The following CDH15 variants were observed in gnomAD, a reference collection of about 807,000 sequenced individuals.
CDH15 encodes cadherin-15.
In CDH15, 73 loss-of-function variants were observed where a neutral mutation model predicts 69.4. That is an observed-to-expected ratio of 1.05 (90% CI 0.87 to 1.28). CDH15 has a LOEUF of 1.28. Ranked by LOEUF, CDH15 falls within the 50% of genes most tolerant of loss-of-function variation. CDH15 has a pLI of 0.00. For synonymous variants in CDH15, 624 were observed against 507.7 expected, an observed-to-expected ratio of 1.23 and a Z score of -3.08; for missense variants, 1,343 against 1,133.6, an observed-to-expected ratio of 1.18 and a Z score of -2.65.
At chr16:89,173,221 A>G (rs968656148) in intron 1 of CDH15, among the ~76,000 whole-genome samples, 6 of 152,068 alleles carry the variant, frequency 3.9e-5, no homozygotes, top group African/African-American at 1.4e-4. Flanking sequence ...GGGGGGCTCC[A>G]TGCCTCCAGG....
Position 89,195,246 on chromosome 16 carries a change from C to A in CDH15, c.*91C>A. 1 of 1,343,224 alleles carries A rather than the reference C, an allele frequency of 7.4e-7. No individual in the cohort carries two copies. The highest frequency in any genetic ancestry group is 9.9e-7 in the Non-Finnish European group (1 of 1,011,850). 83.2% of individuals were successfully genotyped at this position (1,343,224 alleles called of 1,614,324 possible). A position where few individuals can be genotyped will look rare whatever the true frequency, so the allele number is the denominator to read the frequency against. On this transcript the variant is annotated 3_prime_UTR_variant, in exon 14 of 14. Coordinates refer to ENST00000289746, the MANE Select transcript of CDH15 (RefSeq NM_004933.3). ...CCTGAGGTCACCGGGCCCGACCCCC[C>A]TGGGCCTGGGGCAGCCTCCTTCCTG...
intron 5 of CDH15, chr16:89,185,996 G>A (rs1420362214): frequency 1.3e-5 from 2 of 158,592 alleles, no homozygotes; most frequent in Non-Finnish European, 2.8e-5. Flanking sequence ...GGCTTACCCA[G>A]CGCAGAGTAG....
chr16:89,172,822 C>G (rs1206042242), intron 1 of CDH15, among the ~76,000 whole-genome samples: 1 of 152,216 alleles, frequency 6.6e-6, no homozygotes, highest in South Asian at 2.1e-4. Flanking sequence ...AGAGGGCAGC[C>G]TCTCTCTGGC....
intron 4 of CDH15, among the ~76,000 whole-genome samples, 192 bp from the exon 5 acceptor site, chr16:89,184,981 C>G (rs1915450178): frequency 6.6e-6 from 1 of 152,252 alleles, no homozygotes; most frequent in Non-Finnish European, 1.5e-5. Context: ...CGGGAAGCAT[C>G]TCGACCTGGG....
intron 11 of CDH15, 82 bp downstream of exon 11, chr16:89,192,526 C>A: frequency 6.7e-7 from 1 of 1,490,242 alleles, no homozygotes; most frequent in African/African-American, 1.4e-5. Flanking sequence ...ACCAGCCACG[C>A]CGCTTCCTCC....
intron 8 of CDH15, 113 bp from the exon 9 acceptor site, chr16:89,191,217 G>A: frequency 8.4e-7 from 1 of 1,195,042 alleles, no homozygotes; most frequent in East Asian, 2.4e-5. Context: ...CATGCATGTG[G>A]TATGTATGTG....
intron 11 of CDH15, 122 bp from the exon 12 acceptor site, chr16:89,193,348 C>T: frequency 1.8e-6 from 1 of 541,916 alleles, no homozygotes; most frequent in Non-Finnish European, 3.1e-6. Context: ...GCCGCCCCCT[C>T]AACCCCACCC....
intron 13 of CDH15, 109 bp downstream of exon 13, chr16:89,194,022 T>C: frequency 8.1e-7 from 1 of 1,232,128 alleles, no homozygotes; most frequent in Non-Finnish European, 1.1e-6. Context: ...CTGCATGCAC[T>C]TATGGGCCGT....
rs764347175 is a variant in CDH15, at chr16:89,191,813, C to G, written c.1534C>G (p.Pro512Ala). 6.2e-7 allele frequency: 1 copy of G among 1,604,666 alleles called. No homozygotes were observed. Among genetic ancestry groups the G allele is most frequent in the South Asian group, 1.1e-5 (1 of 90,892 alleles). ...GGGCGCCACGGATGAGGACCTGCCC[C>G]CCCACGGGGCCCCCTTCCACTTCCA... ...LLGATDEDLPPHGAPFHFQLS... is the reference protein window; with the variant it reads ...LLGATDEDLPAHGAPFHFQLS... The change falls in exon 10 of 14, where the codon CCC becomes GCC. Residue 512 changes from proline to alanine, a missense_variant. Transcript: ENST00000289746.
intron 5 of CDH15, chr16:89,185,778 C>T (rs866536543): frequency 1.1e-5 from 3 of 261,064 alleles, no homozygotes; most frequent in Non-Finnish European, 2.3e-5. Context: ...TCTGTTCCTG[C>T]CACTAACCAC....
chr16:89,193,667 A>T, intron 12 of CDH15, 61 bp downstream of exon 12: 1 of 1,567,096 alleles, frequency 6.4e-7, no homozygotes, highest in Non-Finnish European at 8.6e-7. Context: ...GGGCCTTCTT[A>T]CAACAAGCTG....
chr16:89,179,296 C>G, intron 1 of CDH15, 120 bp from the exon 2 acceptor site: 1 of 1,187,174 alleles, frequency 8.4e-7, no homozygotes, highest in Middle Eastern at 2.8e-4. Context: ...GGGCACCGAC[C>G]CGTGGGCTGA....
chr16:89,191,308 C>T, intron 8 of CDH15, 22 bp from the exon 9 acceptor site: 1 of 1,612,534 alleles, frequency 6.2e-7, no homozygotes, highest in Non-Finnish European at 8.5e-7. Context: ...TCAGATCCCA[C>T]TCTTCCCCTC....
rs993248194 is a variant in CDH15, at chr16:89,180,340, G to C, written c.342G>C (p.Lys114Asn). 5 of 1,612,516 alleles carry C rather than the reference G, an allele frequency of 3.1e-6. No homozygotes were observed. The highest frequency in any genetic ancestry group is 3.4e-6 in the Non-Finnish European group (4 of 1,179,572). Reference protein sequence around the residue: ...VFLNAMLDREKTDRFRLRAFA... With the variant: ...VFLNAMLDRENTDRFRLRAFA... ...TCAATGCCATGCTGGACCGCGAGAAGACTGATCGCTTCAGGGTGCGGAGCT... is the reference window on the plus strand; with the variant it reads ...TCAATGCCATGCTGGACCGCGAGAACACTGATCGCTTCAGGGTGCGGAGCT... The change falls in exon 3 of 14, where the codon AAG (lysine) becomes AAC (asparagine). Residue 114 changes from lysine to asparagine, a missense_variant. Physicochemically the swap from Lys to Asn is moderately conservative, Grantham distance 94 (BLOSUM62 0). Transcript: ENST00000289746.
Position 89,191,416 on chromosome 16 carries a change from C to A in CDH15, c.1319C>A (p.Ala440Glu), listed in dbSNP as rs151332837. Reference sequence around the variant, plus strand: ...CAGACCCAGCACGTGCTCAGCCCGGCGTCCCCCTTCCTCAAGGGCGGCTGG... The same window carrying A: ...CAGACCCAGCACGTGCTCAGCCCGGAGTCCCCCTTCCTCAAGGGCGGCTGG... ...RIQTQHVLSP[A>E]SPFLKGGWYR... is the part of the protein sequence containing the mutation. The change falls in exon 9 of 14, where the codon GCG (alanine) becomes GAG (glutamate). Residue 440 changes from alanine to glutamate, a missense_variant. Ala to Glu is a moderately radical substitution (Grantham distance 107). Transcript: ENST00000289746. The A allele has an allele frequency of 1.9e-5, 31 of 1,612,628 alleles. No homozygotes were observed. Among genetic ancestry groups the A allele is most frequent in the Non-Finnish European group, 2.5e-5 (29 of 1,179,996 alleles).
At chr16:89,181,443 C>G (rs1464434054) in intron 3 of CDH15, among the ~76,000 whole-genome samples, 1 of 151,966 alleles carries the variant, frequency 6.6e-6, no homozygotes, top group Non-Finnish European at 1.5e-5. Context: ...GAGGCCTTGT[C>G]TCAACAAAAG....
intron 8 of CDH15, among the ~76,000 whole-genome samples, chr16:89,191,126 C>T (rs556564072): frequency 6.7e-6 from 1 of 148,898 alleles, no homozygotes; most frequent in Non-Finnish European, 1.5e-5. Context: ...GCTGTGCATG[C>T]CCATGTATGT....
intron 1 of CDH15, among the ~76,000 whole-genome samples, chr16:89,175,952 TG>T (rs1915247062): frequency 6.6e-6 from 1 of 152,260 alleles, no homozygotes; most frequent in South Asian, 2.1e-4. Context: ...TGCCGCTGCC[TG>T]TGGGGACCTC....
chr16:89,171,852 C>T lies in CDH15; in HGVS notation c.21C>T (p.Leu7=), dbSNP rs1193109058. The change falls in exon 1 of 14, where the codon CTC becomes CTT. Residue 7 remains leucine (L), a synonymous_variant. Coordinates refer to ENST00000289746, the MANE Select transcript of CDH15 (RefSeq NM_004933.3). The part of the protein sequence containing the change: MDAAFL[L]VLGLLAQSLC... ...CCCCGATGGACGCCGCGTTCCTCCTCGTCCTCGGGCTGTTGGCCCAGGTAA... is the reference window on the plus strand; with the variant it reads ...CCCCGATGGACGCCGCGTTCCTCCTTGTCCTCGGGCTGTTGGCCCAGGTAA... The T allele has an allele frequency of 1.9e-6, 3 of 1,559,392 alleles. No homozygotes were observed. The highest frequency in any genetic ancestry group is 2.4e-5 in the South Asian group (2 of 85,050).
Sources: allele counts gnomAD v4.1 joint callset (sites outside exome capture counted in the v4.1 genomes callset), GRCh38; gene constraint gnomAD v4.1.1; transcripts MANE v1.5; gene names NCBI Gene and HGNC (gene_info 2026-07-23, HGNC 2026-07-21).